The following DYM variants were observed in gnomAD, a reference collection of about 807,000 sequenced individuals.
DYM encodes the protein dyggve-Melchior-Clausen syndrome protein.
Under a neutral mutation model 93.1 loss-of-function variants are expected in DYM, and 78 were observed. That is an observed-to-expected ratio of 0.84 (90% CI 0.70 to 1.01). The LOEUF (loss-of-function observed/expected upper bound fraction) is 1.01. Ranked by LOEUF, DYM falls within the 50% of genes least tolerant of loss-of-function variation. DYM has a pLI of 0.00. For missense variants in DYM, 789 were observed against 845.0 expected (o/e 0.93, Z 0.82); for synonymous variants, 321 against 319.7 (o/e 1.00, Z -0.04).
chr18:49,226,907 T>A (rs2093553525), intron 13 of DYM, among the ~76,000 whole-genome samples: 1 of 152,070 alleles, frequency 6.6e-6, no homozygotes, highest in East Asian at 1.9e-4. Context: ...TAATTCAGCC[T>A]GAAAATATTA....
chr18:49,310,626 T>C (rs1041376944), intron 8 of DYM, among the ~76,000 whole-genome samples: 1 of 152,218 alleles, frequency 6.6e-6, no homozygotes, highest in Non-Finnish European at 1.5e-5. Context: ...CAGTTCTCTA[T>C]ATTTTCCAAA....
rs569650193 is a variant in DYM, at chr18:49,342,872, T to A, written c.495-9019A>T. Among the ~76,000 whole-genome samples the A allele has an allele frequency of 9.2e-5, 14 of 152,226 alleles. No homozygotes were observed. The South Asian group carries it at 1.0e-3, about 11-fold the overall frequency. On this transcript the variant is annotated intron_variant, in intron 6 of 17. Transcript: ENST00000675505. ...TGTGTAGCAGGCTATAACATCTAGG[T>A]TTATGTAAGTACACTCTATGATGTT...
chr18:49,438,801 C>G (rs1248165663), intron 1 of DYM, among the ~76,000 whole-genome samples: 1 of 152,188 alleles, frequency 6.6e-6, no homozygotes, highest in Non-Finnish European at 1.5e-5. Flanking sequence ...CCTGCTCCCC[C>G]ACAAAAAGCA....
intron 10 of DYM, among the ~76,000 whole-genome samples, chr18:49,281,222 T>C (rs1359476934): frequency 6.6e-6 from 1 of 152,172 alleles, no homozygotes; most frequent in Admixed American, 6.5e-5. Flanking sequence ...TCACTGGCCA[T>C]CAGAGAAATG....
chr18:49,037,713 C>G lies in DYM; in HGVS notation c.*6342G>C, dbSNP rs1043603531. 3.3e-5 allele frequency among the ~76,000 whole-genome samples: 5 copies of G among 152,118 alleles called. No individual in the cohort carries two copies. The highest frequency in any genetic ancestry group is 2.0e-4 in the Admixed American group (3 of 15,266). On this transcript the variant is annotated 3_prime_UTR_variant, in exon 18 of 18. Coordinates refer to ENST00000675505, the MANE Select transcript of DYM (RefSeq NM_001353214.3). ...ATTAAGATTCTGACAGATGGGTTAC[C>G]TGGAAATCTATTTCCAAAAATATGA...
At chr18:49,105,864 C>T (rs2080742267) in intron 16 of DYM, among the ~76,000 whole-genome samples, 1 of 152,166 alleles carries the variant, frequency 6.6e-6, no homozygotes, top group Non-Finnish European at 1.5e-5. Flanking sequence ...TGGTGTGGTG[C>T]TGAGAAGAAT....
intron 11 of DYM, among the ~76,000 whole-genome samples, chr18:49,266,768 GT>G (rs2094576603): frequency 6.6e-6 from 1 of 152,168 alleles, no homozygotes; most frequent in African/African-American, 2.4e-5. Context: ...TAGTGATAAA[GT>G]TTGACTTTAA....
chr18:49,042,097 A>T lies in DYM; in HGVS notation c.*1958T>A, dbSNP rs1390926293. On this transcript the variant is annotated 3_prime_UTR_variant, in exon 18 of 18. Coordinates refer to ENST00000675505, the MANE Select transcript of DYM (RefSeq NM_001353214.3). ...CTTGCTACCTGAAATGATAATCATC[A>T]CTCCCCCTGCTGGCTGAGAGCGCTT... 1 of 152,388 alleles carries T rather than the reference A, an allele frequency of 6.6e-6. No homozygotes were observed. The highest frequency in any genetic ancestry group is 1.5e-5 in the Non-Finnish European group (1 of 68,016). 9.4% of individuals were successfully genotyped at this position (152,388 alleles called of 1,614,324 possible).
At chr18:49,102,469 GGTTA>G (rs1474500644) in intron 16 of DYM, among the ~76,000 whole-genome samples, 2 of 152,026 alleles carry the variant, frequency 1.3e-5, no homozygotes, top group Admixed American at 1.3e-4. Flanking sequence ...ACAATGTGCA[GGTTA>G]GTTACATATG....
At chr18:49,419,724 AAAG>A (rs1182750867) in intron 2 of DYM, among the ~76,000 whole-genome samples, 2 of 152,222 alleles carry the variant, frequency 1.3e-5, no homozygotes, top group African/African-American at 2.4e-5. Context: ...GTCAATTTGA[AAAG>A]AAGTGACATT....
At chr18:49,435,780 A>C (rs1242288383) in intron 1 of DYM, among the ~76,000 whole-genome samples, 1 of 151,862 alleles carries the variant, frequency 6.6e-6, no homozygotes, top group Non-Finnish European at 1.5e-5. Flanking sequence ...CAAGAACAAC[A>C]CTCCATCTCA....
At chr18:49,412,424 G>C (rs1363432917) in intron 2 of DYM, among the ~76,000 whole-genome samples, 1 of 151,976 alleles carries the variant, frequency 6.6e-6, no homozygotes, top group Non-Finnish European at 1.5e-5. Context: ...AATGATTTTT[G>C]CATAGAAAGG....
chr18:49,231,285 G>A (rs1242790579), intron 13 of DYM, among the ~76,000 whole-genome samples: 1 of 152,242 alleles, frequency 6.6e-6, no homozygotes. Context: ...GAGGGGAGCT[G>A]CTCTGGGAGG....
intron 6 of DYM, among the ~76,000 whole-genome samples, chr18:49,350,050 G>C (rs2064973376): frequency 6.6e-6 from 1 of 152,102 alleles, no homozygotes; most frequent in African/African-American, 2.4e-5. Flanking sequence ...AGAGGCTTTT[G>C]GTGGGACTAT....
At chr18:49,219,825 C>G (rs1018666951) in intron 13 of DYM, among the ~76,000 whole-genome samples, 20 of 151,552 alleles carry the variant, frequency 1.3e-4, no homozygotes, top group Non-Finnish European at 2.5e-4. Flanking sequence ...AAACTGGAAG[C>G]ATTTCCTTTG....
chr18:49,297,685 TTCC>T (rs1162830251), intron 8 of DYM, among the ~76,000 whole-genome samples: 3 of 152,158 alleles, frequency 2.0e-5, no homozygotes, highest in Non-Finnish European at 2.9e-5. Flanking sequence ...GTGATTTTTT[TTCC>T]TCATCAAAAT....
chr18:49,240,365 A>C (rs1205301509), intron 13 of DYM, among the ~76,000 whole-genome samples: 2 of 152,168 alleles, frequency 1.3e-5, no homozygotes, highest in African/African-American at 4.8e-5. Context: ...AACTGAGAAA[A>C]TATTAAATAT....
chr18:49,115,169 T>A (rs1485480056), intron 16 of DYM, among the ~76,000 whole-genome samples: 1 of 152,250 alleles, frequency 6.6e-6, no homozygotes, highest in Admixed American at 6.5e-5. Flanking sequence ...TTATTGCACG[T>A]AAGTGCTTAG....
chr18:49,434,096 A>G (rs917424904), intron 1 of DYM, among the ~76,000 whole-genome samples: 1 of 152,018 alleles, frequency 6.6e-6, no homozygotes, highest in African/African-American at 2.4e-5. Flanking sequence ...CTATAATCCC[A>G]ACACTTTGGG....
Sources: gnomAD v4.1 joint callset for allele counts (sites outside exome capture counted in the v4.1 genomes callset) on GRCh38, gnomAD v4.1.1 for gene constraint, MANE v1.5 for transcripts, NCBI Gene and HGNC (gene_info 2026-07-23, HGNC 2026-07-21) for gene names.